Variants in PIEZO2 observed in about 807,000 individuals in gnomAD.
PIEZO2 encodes the protein piezo-type mechanosensitive ion channel component 2.
In PIEZO2, 172 loss-of-function variants were observed where a neutral mutation model predicts 337.3. That is an observed-to-expected ratio of 0.51 (90% CI 0.45 to 0.58). The LOEUF (loss-of-function observed/expected upper bound fraction) is 0.58. Among genes scored for constraint, PIEZO2 ranks in the 20% least tolerant of loss-of-function variants. The probability of loss-of-function intolerance (pLI) is 0.00; values close to 1 mark genes in which losing one functional copy is unlikely to be tolerated. For missense variants in PIEZO2, 3,028 were observed against 3,391.3 expected, an observed-to-expected ratio of 0.89 and a Z score of 2.66; for synonymous variants, 1,251 against 1,228.5, an observed-to-expected ratio of 1.02 and a Z score of -0.38.
chr18:11,100,773 T>C (rs1442367119), intron 1 of PIEZO2, among the ~76,000 whole-genome samples: 2 of 152,128 alleles, frequency 1.3e-5, no homozygotes, highest in Non-Finnish European at 2.9e-5. Context: ...TTTTTTGTAT[T>C]TTTAGTAGAG....
intron 2 of PIEZO2, among the ~76,000 whole-genome samples, chr18:11,051,038 T>A (rs1394228188): frequency 1.3e-5 from 2 of 152,174 alleles, no homozygotes; most frequent in Non-Finnish European, 2.9e-5. Flanking sequence ...GCAGTTCTGT[T>A]ATTATTCCCG....
chr18:10,773,779 TTTGG>T lies in PIEZO2; in HGVS notation c.2568-154_2568-151del. ...GGTGTTAGCGTTTTGTCACTTTCTT[TTTGG>T]TTGGTTTGTTTGTTTTAAGTTCTTT... is the stretch of plus-strand genomic sequence containing the variant. On this transcript the variant is annotated intron_variant, in intron 19 of 55. Coordinates refer to ENST00000674853, the MANE Select transcript of PIEZO2 (RefSeq NM_001378183.1). The surrounding 1 kb of genome is among the most constrained non-coding windows in gnomAD (Gnocchi z 5.3). 1 of 768,150 alleles carries T rather than the reference TTTGG, an allele frequency of 1.3e-6. No individual in the cohort carries two copies. The highest frequency in any genetic ancestry group is 3.7e-4 in the Middle Eastern group (1 of 2,676). 47.6% of individuals were successfully genotyped at this position (768,150 alleles called of 1,614,324 possible).
chr18:10,697,741 G>C lies in PIEZO2; in HGVS notation c.6827+7C>G. On this transcript the variant is annotated splice_region_variant and intron_variant, in intron 45 of 55. Coordinates refer to ENST00000674853, the MANE Select transcript of PIEZO2 (RefSeq NM_001378183.1). ...AGCACACATGCCATATGTTCTCATG[G>C]ACTCACTTCTTTATGGTAAAGGCTT... The C allele has an allele frequency of 6.2e-7, 1 of 1,613,082 alleles. No homozygotes were observed. Among genetic ancestry groups the C allele is most frequent in the Non-Finnish European group, 8.5e-7 (1 of 1,179,890 alleles).
intron 30 of PIEZO2, among the ~76,000 whole-genome samples, chr18:10,744,936 G>A (rs1377088025): frequency 1.3e-5 from 2 of 152,226 alleles, no homozygotes; most frequent in Non-Finnish European, 2.9e-5. Context: ...AAAAACACCT[G>A]CTTGGGCAGA....
At chr18:10,897,319 TGGTATTACA>T (rs2042928123) in intron 4 of PIEZO2, among the ~76,000 whole-genome samples, 1 of 152,148 alleles carries the variant, frequency 6.6e-6, no homozygotes, top group Admixed American at 6.5e-5. Context: ...CCCGAGTAGC[TGGTATTACA>T]GGTGCCCAAC....
At position 11,053,446 on chromosome 18, in the gene PIEZO2, A is replaced by G. The variant is rs149400346; in HGVS notation, c.160+12681T>C. ...AATGCTGTGCTTCAAAATAATAATA[A>G]CAACAGCCCACTTAAAAATTTATTA... On this transcript the variant is annotated intron_variant, in intron 2 of 55. Coordinates refer to ENST00000674853, the MANE Select transcript of PIEZO2 (RefSeq NM_001378183.1). Among the ~76,000 whole-genome samples, 192 of 152,346 alleles carry G rather than the reference A, an allele frequency of 1.3e-3. 2 individuals carry two copies. In the South Asian group the frequency reaches 0.03, roughly 24 times the overall value.
intron 3 of PIEZO2, among the ~76,000 whole-genome samples, chr18:10,932,887 G>T (rs1015326656): frequency 4.0e-5 from 6 of 151,772 alleles, no homozygotes; most frequent in Non-Finnish European, 7.4e-5. Context: ...TTGTACCACT[G>T]CATTCCAGCC....
At position 10,862,848 on chromosome 18, in the gene PIEZO2, C is replaced by A. The variant is rs2041912235; in HGVS notation, c.493-5637G>T. On this transcript the variant is annotated intron_variant, in intron 5 of 55. Transcript: ENST00000674853. The surrounding 1 kb of genome is among the most constrained non-coding windows in gnomAD (Gnocchi z 4.4). The stretch of plus-strand genomic sequence containing the variant: ...CTCCATAGGGGTTCAGCTGAATAGG[C>A]ACAATTTGAAAATATATTTTTTTAA... Among the ~76,000 whole-genome samples the A allele has an allele frequency of 6.6e-6, 1 of 152,054 alleles. No individual in the cohort carries two copies. Among genetic ancestry groups the A allele is most frequent in the Non-Finnish European group, 1.5e-5 (1 of 68,038 alleles).
chr18:11,115,153 A>T (rs1304969808), intron 1 of PIEZO2, among the ~76,000 whole-genome samples: 1 of 152,198 alleles, frequency 6.6e-6, no homozygotes, highest in Non-Finnish European at 1.5e-5. Flanking sequence ...CAGTTTGGTT[A>T]TAGACAGTTA....
chr18:10,720,234 G>GTATATATATATATATATATATATA (rs371910207), intron 36 of PIEZO2, among the ~76,000 whole-genome samples: 1 of 119,916 alleles, frequency 8.3e-6, no homozygotes, highest in Admixed American at 1.0e-4. Flanking sequence ...GTGTGTGTGT[G>GTATATATATATATATATATATATA]TATATATATA....
At position 10,689,706 on chromosome 18, in the gene PIEZO2, C is replaced by G; in HGVS notation, c.7446G>C (p.Glu2482Asp). The change falls in exon 49 of 56, where the codon GAG becomes GAC. Residue 2482 changes from glutamate (E) to aspartate (D), a missense_variant. Physicochemically the swap from Glu to Asp is conservative, Grantham distance 45. Transcript: ENST00000674853. Reference protein sequence around the residue: ...TLSLSSWICVEDIYAHIFILK... With the variant: ...TLSLSSWICVDDIYAHIFILK... ...GGATGAATATGTGAGCATAGATGTC[C>G]TCCACACAGATCCAGCTGGACAGGC... The G allele has an allele frequency of 6.2e-7, 1 of 1,614,230 alleles. No individual in the cohort carries two copies.
chr18:11,036,569 T>G (rs2036930021), intron 2 of PIEZO2, among the ~76,000 whole-genome samples: 1 of 151,868 alleles, frequency 6.6e-6, no homozygotes, highest in East Asian at 1.9e-4. Flanking sequence ...AAGATATAAA[T>G]AAAGAAATCA....
chr18:10,733,649 T>C (rs1014104487), intron 35 of PIEZO2, among the ~76,000 whole-genome samples: 2 of 152,006 alleles, frequency 1.3e-5, no homozygotes, highest in East Asian at 1.9e-4. Context: ...GGGGTTTCAC[T>C]GTGTTAGCCA....
chr18:10,926,018 A>C (rs1472299011), intron 3 of PIEZO2, among the ~76,000 whole-genome samples: 1 of 152,190 alleles, frequency 6.6e-6, no homozygotes, highest in African/African-American at 2.4e-5. Context: ...AGAAATATTA[A>C]TTCTTCATTT....
intron 7 of PIEZO2, among the ~76,000 whole-genome samples, chr18:10,808,972 T>C (rs2040088295): frequency 1.3e-5 from 2 of 152,216 alleles, no homozygotes; most frequent in African/African-American, 4.8e-5. Context: ...TTTTGTCCCA[T>C]ACAGAATTTT....
chr18:10,897,822 A>C (rs1243041627), intron 4 of PIEZO2, among the ~76,000 whole-genome samples: 2 of 152,232 alleles, frequency 1.3e-5, no homozygotes, highest in Non-Finnish European at 2.9e-5. Context: ...AAGGGCAATA[A>C]GTCTTTTATG....
rs2036095332 is a variant in PIEZO2 at position 10,718,245 on chromosome 18, C to T, written c.5044G>A (p.Glu1682Lys). ...KGSKEGPVEW[E>K]DREDEPIKKK... ...TTGATTGGTTCATCCTCCCGGTCTT[C>T]CCATTCCACAGGACCTGCCAAGTGT... Residue 1682 changes from glutamate to lysine, a missense_variant, in exon 37 of 56, where the codon GAA becomes AAA. By Grantham distance (56) the Glu-to-Lys change is moderately conservative. Transcript: ENST00000674853. 1 of 1,536,982 alleles carries T rather than the reference C, an allele frequency of 6.5e-7. No homozygotes were observed. The highest frequency in any genetic ancestry group is 2.4e-5 in the East Asian group (1 of 40,910).
At chr18:11,059,779 G>A (rs975282569) in intron 2 of PIEZO2, among the ~76,000 whole-genome samples, 1 of 152,178 alleles carries the variant, frequency 6.6e-6, no homozygotes, top group Non-Finnish European at 1.5e-5. Flanking sequence ...GACCTAGAAA[G>A]AGACTTAGAC....
chr18:10,925,552 A>C (rs1047609248), intron 3 of PIEZO2, among the ~76,000 whole-genome samples: 23 of 152,332 alleles, frequency 1.5e-4, no homozygotes, highest in African/African-American at 5.3e-4. Context: ...ATAAATGTCA[A>C]AATGCAAGGG....
Sources: gnomAD v4.1 joint callset for allele counts (sites outside exome capture counted in the v4.1 genomes callset) on GRCh38, gnomAD v4.1.1 for gene constraint, Gnocchi (gnomAD v3.1) non-coding constraint, MANE v1.5 for transcripts, NCBI Gene and HGNC (gene_info 2026-07-23, HGNC 2026-07-21) for gene names.